Variants in DSCAM observed in about 807,000 individuals in gnomAD.
The protein encoded by DSCAM is DS cell adhesion molecule, also known as cell adhesion molecule DSCAM.
In DSCAM, 47 loss-of-function variants were observed where a neutral mutation model predicts 217.7. That is an observed-to-expected ratio of 0.22 (90% CI 0.17 to 0.28). The LOEUF (loss-of-function observed/expected upper bound fraction) is 0.28, where lower values mean the gene tolerates loss of function less well. Among genes scored for constraint, DSCAM ranks in the 10% least tolerant of loss-of-function variants. The pLI is 1.00. For synonymous variants in DSCAM, 1,056 were observed against 1,015.3 expected, an observed-to-expected ratio of 1.04 and a Z score of -0.76; for missense variants, 2,080 against 2,618.3, an observed-to-expected ratio of 0.79 and a Z score of 4.49.
At chr21:40,101,853 G>A (rs542415686) in intron 20 of DSCAM, among the ~76,000 whole-genome samples, 15 of 152,190 alleles carry the variant, frequency 9.9e-5, no homozygotes, top group East Asian at 3.9e-4. Context: ...GGATGTTGGC[G>A]AGAGTTATAG....
rs751088270 is a variant in DSCAM, at chr21:40,487,324, T to TGA, written c.509-118080_509-118079insTC. On this transcript the variant is annotated intron_variant, in intron 3 of 32. Transcript: ENST00000400454. ...GCGTGCGTGTGTGTGTGTGTGTGTG[T>TGA]GTGAGAGAGAGAGAGAGAGAGAGAG... Among the ~76,000 whole-genome samples the TGA allele has an allele frequency of 9.8e-3, 745 of 76,134 alleles. 2 individuals are homozygous for TGA. Among genetic ancestry groups the TGA allele is most frequent in the South Asian group, 0.018 (49 of 2,698 alleles). 49.9% of individuals were successfully genotyped at this position (76,134 alleles called of 152,430 possible). A position where few individuals can be genotyped will look rare whatever the true frequency, so the allele number is the denominator to read the frequency against.
chr21:40,478,538 T>C (rs2145981832), intron 3 of DSCAM, among the ~76,000 whole-genome samples: 1 of 152,366 alleles, frequency 6.6e-6, no homozygotes, highest in Admixed American at 6.5e-5. Context: ...AGCCACTTTT[T>C]GTTACATATA....
chr21:40,333,770 C>A (rs1008507217), intron 8 of DSCAM, among the ~76,000 whole-genome samples: 1 of 152,236 alleles, frequency 6.6e-6, no homozygotes, highest in South Asian at 2.1e-4. Context: ...TCACCACAGT[C>A]TTGCACTCCT....
chr21:40,017,068 A>C (rs1045447622), intron 32 of DSCAM, among the ~76,000 whole-genome samples: 41 of 150,798 alleles, frequency 2.7e-4, no homozygotes, highest in African/African-American at 9.8e-4. Flanking sequence ...GCACGATTGC[A>C]CTCTATCCTG....
intron 1 of DSCAM, among the ~76,000 whole-genome samples, chr21:40,741,458 G>A (rs1186074355): frequency 6.6e-6 from 1 of 151,890 alleles, no homozygotes; most frequent in Non-Finnish European, 1.5e-5. Context: ...CTGTCTTCCT[G>A]AATAGCAGTT....
At chr21:40,019,063 C>A (rs963890575) in intron 32 of DSCAM, among the ~76,000 whole-genome samples, 1 of 152,218 alleles carries the variant, frequency 6.6e-6, no homozygotes, top group Non-Finnish European at 1.5e-5. Flanking sequence ...GAGTAGTCAG[C>A]GGTAAGCTCT....
At chr21:40,599,175 A>G (rs763733201) in intron 3 of DSCAM, among the ~76,000 whole-genome samples, 4 of 152,180 alleles carry the variant, frequency 2.6e-5, no homozygotes, top group Admixed American at 6.5e-5. Context: ...CAATTGTTCA[A>G]TTGTGTCTTT....
At chr21:40,675,603 G>A (rs146562642) in intron 3 of DSCAM, among the ~76,000 whole-genome samples, 1 of 152,304 alleles carries the variant, frequency 6.6e-6, no homozygotes, top group African/African-American at 2.4e-5. Context: ...AAGAAAAGCT[G>A]CATTCTAAAT....
Position 40,171,117 on chromosome 21 carries a change from G to A in DSCAM, c.2948-3829C>T, listed in dbSNP as rs900896340. On this transcript the variant is annotated intron_variant, in intron 15 of 32. Transcript: ENST00000400454. The stretch of plus-strand genomic sequence containing the variant: ...TCTTGAGACAGGGTCTCACTCTGTC[G>A]CCCAGGCTAGAATGCAGTGGCACTA... Among the ~76,000 whole-genome samples the A allele has an allele frequency of 5.9e-5, 9 of 152,064 alleles. No homozygotes were observed. The East Asian group carries it at 7.7e-4, about 13-fold the overall frequency.
At chr21:40,178,819 A>C (rs1281179782) in intron 15 of DSCAM, 108 bp downstream of exon 15, 1 of 1,386,864 alleles carries the variant, frequency 7.2e-7, no homozygotes, top group African/African-American at 1.4e-5. Context: ...CGCATCAAAG[A>C]CCTCCGCCTA....
At chr21:40,108,117 T>A (rs2089845145) in intron 20 of DSCAM, among the ~76,000 whole-genome samples, 1 of 152,116 alleles carries the variant, frequency 6.6e-6, no homozygotes, top group Non-Finnish European at 1.5e-5. Flanking sequence ...AAGGATGCCC[T>A]CTCTCACCAC....
chr21:40,028,435 C>T (rs2088435378), intron 32 of DSCAM, among the ~76,000 whole-genome samples: 1 of 151,632 alleles, frequency 6.6e-6, no homozygotes, highest in African/African-American at 2.4e-5. Flanking sequence ...ATGGCGGGCC[C>T]CCCTCCCCCA....
At chr21:40,580,997 A>C (rs576604454) in intron 3 of DSCAM, among the ~76,000 whole-genome samples, 25 of 152,360 alleles carry the variant, frequency 1.6e-4, no homozygotes, top group African/African-American at 5.8e-4. Flanking sequence ...AAGATGATAA[A>C]ATACAAAACA....
chr21:40,633,541 C>A (rs1053468414), intron 3 of DSCAM, among the ~76,000 whole-genome samples: 6 of 152,234 alleles, frequency 3.9e-5, no homozygotes, highest in Admixed American at 3.9e-4. Flanking sequence ...GGACATCCCA[C>A]ATTAAAGAAT....
intron 3 of DSCAM, among the ~76,000 whole-genome samples, chr21:40,553,217 T>C (rs1427431746): frequency 6.6e-6 from 1 of 152,220 alleles, no homozygotes. Context: ...CTCCACAAAA[T>C]GTTTTTGTTT....
chr21:40,508,383 G>T (rs1013237669), intron 3 of DSCAM, among the ~76,000 whole-genome samples: 4 of 152,092 alleles, frequency 2.6e-5, no homozygotes, highest in South Asian at 2.1e-4. Flanking sequence ...GAAGGGAAAA[G>T]ATCTCAAAAG....
At chr21:40,520,184 A>G (rs1601711710) in intron 3 of DSCAM, among the ~76,000 whole-genome samples, 1 of 152,108 alleles carries the variant, frequency 6.6e-6, no homozygotes, top group Non-Finnish European at 1.5e-5. Flanking sequence ...AATAAATTCT[A>G]GGAGCCATAA....
chr21:40,216,910 G>A (rs2091248825), intron 11 of DSCAM, among the ~76,000 whole-genome samples: 1 of 152,174 alleles, frequency 6.6e-6, no homozygotes, highest in Non-Finnish European at 1.5e-5. Context: ...CATGTCATTT[G>A]CATTATTTTT....
chr21:40,753,057 C>A (rs1443228653), intron 1 of DSCAM, among the ~76,000 whole-genome samples: 1 of 152,156 alleles, frequency 6.6e-6, no homozygotes, highest in Non-Finnish European at 1.5e-5. Context: ...TTCAGGGAGC[C>A]CAGCCTTTTT....
Sources: gnomAD v4.1 joint callset for allele counts (sites outside exome capture counted in the v4.1 genomes callset) on GRCh38, gnomAD v4.1.1 for gene constraint, MANE v1.5 for transcripts, NCBI Gene and HGNC (gene_info 2026-07-23, HGNC 2026-07-21) for gene names.